Variants in SPOCK1 observed in about 807,000 individuals in gnomAD.
SPOCK1 encodes SPARC (osteonectin), cwcv and kazal like domains proteoglycan 1, also known as testican-1.
A neutral mutation model predicts 55.3 loss-of-function variants in SPOCK1; 23 were observed. That is an observed-to-expected ratio of 0.42 (90% CI 0.30 to 0.59). The LOEUF is 0.59. Ranked by LOEUF, SPOCK1 falls within the 20% of genes least tolerant of loss-of-function variation. SPOCK1 has a pLI of 0.22. For synonymous variants in SPOCK1, 226 were observed against 221.0 expected (o/e 1.02, Z -0.20); for missense variants, 499 against 552.5 (o/e 0.90, Z 0.97).
chr5:136,990,373 C>G lies in SPOCK1; in HGVS notation c.707-1730G>C, dbSNP rs897806737. On this transcript the variant is annotated intron_variant, in intron 7 of 10. Transcript: ENST00000394945. Reference sequence around the variant, plus strand: ...ACTATAGGCTCCCTGAGGGAAAAGACTGTCTTGTCCCCTTCAGCAGCCTCA... The same window carrying G: ...ACTATAGGCTCCCTGAGGGAAAAGAGTGTCTTGTCCCCTTCAGCAGCCTCA... Among the ~76,000 whole-genome samples, 5 of 151,588 alleles carry G rather than the reference C, an allele frequency of 3.3e-5. No homozygotes were observed. The East Asian group carries it at 9.7e-4, about 29-fold the overall frequency.
At chr5:137,257,929 C>T (rs1004428949) in intron 3 of SPOCK1, among the ~76,000 whole-genome samples, 2 of 152,170 alleles carry the variant, frequency 1.3e-5, no homozygotes, top group Non-Finnish European at 2.9e-5. Flanking sequence ...TGTCACACTC[C>T]CCTCCACAGT....
At chr5:137,242,933 G>A (rs1356695036) in intron 3 of SPOCK1, among the ~76,000 whole-genome samples, 2 of 152,148 alleles carry the variant, frequency 1.3e-5, no homozygotes, top group Non-Finnish European at 2.9e-5. Context: ...AATTCCTCTG[G>A]AAGAATACAA....
At chr5:137,476,847 C>T (rs576141045) in intron 2 of SPOCK1, among the ~76,000 whole-genome samples, 82 of 152,230 alleles carry the variant, frequency 5.4e-4, no homozygotes, top group Middle Eastern at 3.4e-3. Context: ...ATCGCTTGAA[C>T]CTGGGAGGTG....
chr5:137,350,204 CAGA>C (rs1348858497), intron 2 of SPOCK1, among the ~76,000 whole-genome samples: 1 of 151,982 alleles, frequency 6.6e-6, no homozygotes, highest in East Asian at 1.9e-4. Context: ...GTGCTATGGA[CAGA>C]AGGAGAGCTG....
At chr5:137,321,253 G>C (rs970457786) in intron 2 of SPOCK1, among the ~76,000 whole-genome samples, 49 of 149,382 alleles carry the variant, frequency 3.3e-4, no homozygotes, top group African/African-American at 1.1e-3. Flanking sequence ...ACACCACAGA[G>C]ACCAATAGGT....
At chr5:137,223,951 G>A (rs982815109) in intron 3 of SPOCK1, among the ~76,000 whole-genome samples, 7 of 152,208 alleles carry the variant, frequency 4.6e-5, no homozygotes, top group Non-Finnish European at 7.4e-5. Flanking sequence ...TAAATAATAA[G>A]AGAATGGTTA....
chr5:136,995,485 T>C (rs1751023123), intron 6 of SPOCK1, among the ~76,000 whole-genome samples: 1 of 152,218 alleles, frequency 6.6e-6, no homozygotes, highest in Non-Finnish European at 1.5e-5. Context: ...TGCCCTGCTC[T>C]AAGCAGGAGA....
At chr5:137,044,126 G>T (rs753722106) in intron 6 of SPOCK1, among the ~76,000 whole-genome samples, 8 of 152,172 alleles carry the variant, frequency 5.3e-5, no homozygotes, top group African/African-American at 1.9e-4. Flanking sequence ...TTGCTGAACA[G>T]AAGGGGAACA....
At chr5:137,225,413 A>G (rs922313316) in intron 3 of SPOCK1, among the ~76,000 whole-genome samples, 1 of 152,194 alleles carries the variant, frequency 6.6e-6, no homozygotes. Context: ...CAAAATTGTT[A>G]GCTATTGTCA....
chr5:137,352,687 G>A (rs938619801), intron 2 of SPOCK1, among the ~76,000 whole-genome samples: 1 of 152,054 alleles, frequency 6.6e-6, no homozygotes, highest in African/African-American at 2.4e-5. Context: ...AAGAGGAAGG[G>A]GTGGAGGAGA....
At chr5:137,281,115 T>C (rs1176411807) in intron 2 of SPOCK1, among the ~76,000 whole-genome samples, 1 of 152,210 alleles carries the variant, frequency 6.6e-6, no homozygotes, top group Non-Finnish European at 1.5e-5. Flanking sequence ...TCATATATTA[T>C]CTATATATTC....
At chr5:137,046,558 T>C (rs1168492261) in intron 6 of SPOCK1, among the ~76,000 whole-genome samples, 68 of 137,098 alleles carry the variant, frequency 5.0e-4, no homozygotes, top group African/African-American at 1.7e-3. Flanking sequence ...TGGGGTTTTC[T>C]AGATAAACAA....
chr5:137,180,485 G>A (rs1419693913), intron 3 of SPOCK1, among the ~76,000 whole-genome samples: 1 of 151,902 alleles, frequency 6.6e-6, no homozygotes, highest in African/African-American at 2.4e-5. Flanking sequence ...TTCACAGGAG[G>A]GAACATGAAA....
intron 4 of SPOCK1, among the ~76,000 whole-genome samples, chr5:137,133,152 A>G (rs1051613224): frequency 1.3e-5 from 2 of 152,264 alleles, no homozygotes; most frequent in East Asian, 3.9e-4. Context: ...GGCAGATCAC[A>G]AGGTCAGGTG....
chr5:137,083,588 C>G (rs1752910617), intron 5 of SPOCK1, among the ~76,000 whole-genome samples: 1 of 152,120 alleles, frequency 6.6e-6, no homozygotes, highest in South Asian at 2.1e-4. Flanking sequence ...CTGCTGTCAG[C>G]TTGGGGCTTA....
intron 2 of SPOCK1, among the ~76,000 whole-genome samples, chr5:137,392,052 C>A (rs1323558281): frequency 6.6e-6 from 1 of 152,174 alleles, no homozygotes; most frequent in African/African-American, 2.4e-5. Context: ...TGGCTTTTCC[C>A]ACACTTGACC....
chr5:137,220,334 C>T (rs1436409020), intron 3 of SPOCK1, among the ~76,000 whole-genome samples: 1 of 152,196 alleles, frequency 6.6e-6, no homozygotes, highest in African/African-American at 2.4e-5. Context: ...TCACTTGAGT[C>T]GCCCTGCCTG....
chr5:137,050,218 TG>T (rs1405509451), intron 6 of SPOCK1, among the ~76,000 whole-genome samples: 3 of 81,142 alleles, frequency 3.7e-5, no homozygotes, highest in Non-Finnish European at 5.1e-5. Flanking sequence ...GCCTGGGCAA[TG>T]GCGGGCGCCC....
intron 6 of SPOCK1, among the ~76,000 whole-genome samples, chr5:137,038,414 C>T (rs1177882890): frequency 6.6e-6 from 1 of 152,144 alleles, no homozygotes; most frequent in Non-Finnish European, 1.5e-5. Context: ...ATCTTCTGCC[C>T]CTTTCCTCTT....
Sources: gnomAD v4.1 joint callset for allele counts (sites outside exome capture counted in the v4.1 genomes callset) on GRCh38, gnomAD v4.1.1 for gene constraint, MANE v1.5 for transcripts, NCBI Gene and HGNC (gene_info 2026-07-23, HGNC 2026-07-21) for gene names.